The following MBP variants were observed in gnomAD, a reference collection of about 807,000 sequenced individuals.
The protein encoded by MBP is myelin basic protein, also known as Golli-MBP.
MBP carries 16 observed loss-of-function variants against 35.8 expected under a neutral mutation model. The observed-to-expected ratio is 0.45, with a 90% CI of 0.30 to 0.68. The LOEUF is 0.68. MBP is among the 30% of genes least tolerant of loss of function. MBP has a pLI of 0.08. For missense variants in MBP, 380 were observed against 404.7 expected (o/e 0.94, Z 0.52); for synonymous variants, 143 against 159.6 (o/e 0.90, Z 0.78).
chr18:77,109,827 G>A (rs1976392701), intron 1 of MBP: 1 of 152,224 alleles, frequency 6.6e-6, no homozygotes, highest in South Asian at 2.1e-4. Context: ...CATTTGCATT[G>A]TGTAGAGCTG....
chr18:77,088,834 A>C (rs1468188355), intron 2 of MBP, among the ~76,000 whole-genome samples: 1 of 152,182 alleles, frequency 6.6e-6, no homozygotes, highest in Non-Finnish European at 1.5e-5. Context: ...CGCCTTGAAG[A>C]TGTCCTTATT....
intron 4 of MBP, among the ~76,000 whole-genome samples, chr18:76,996,685 G>T (rs1970287718): frequency 6.6e-6 from 1 of 152,066 alleles, no homozygotes; most frequent in East Asian, 1.9e-4. Flanking sequence ...TATATTGGGG[G>T]AGGTCAGAGC....
At chr18:76,985,657 A>G (rs774578283) in intron 7 of MBP, 23 of 1,057,778 alleles carry the variant, frequency 2.2e-5, no homozygotes, top group Admixed American at 9.9e-5. Flanking sequence ...GCAGCGGGAC[A>G]GCGTCTCAGC....
At chr18:77,007,012 C>T (rs1344921986) in intron 4 of MBP, among the ~76,000 whole-genome samples, 1 of 152,154 alleles carries the variant, frequency 6.6e-6, no homozygotes, top group Admixed American at 6.5e-5. Context: ...GTTTCTCAGC[C>T]GCAGGGCAGG....
At chr18:77,129,537 C>T (rs952884278) in intron 1 of MBP, among the ~76,000 whole-genome samples, 1 of 152,182 alleles carries the variant, frequency 6.6e-6, no homozygotes, top group Non-Finnish European at 1.5e-5. Context: ...GAAGCCTGTC[C>T]ACTACAGGTT....
intron 3 of MBP, among the ~76,000 whole-genome samples, chr18:77,060,108 T>A (rs1264360512): frequency 6.6e-6 from 1 of 152,078 alleles, no homozygotes; most frequent in Non-Finnish European, 1.5e-5. Context: ...TGTTAAACCA[T>A]CCCCCAAATG....
intron 3 of MBP, among the ~76,000 whole-genome samples, chr18:77,030,120 CTCAGGCAATGGTTAGGAGGCTGGGAA>C (rs1412298691): frequency 0.013 from 2,008 of 152,192 alleles, 50 homozygotes; most frequent in African/African-American, 0.045. Flanking sequence ...TCCCCAGAGG[CTCAGGCAATGGTTAGGAGGCTGGGAA>C]TCAGGCAATG....
In MBP at chr18:77,029,280, G is replaced by A. The variant is rs1391834803; in HGVS notation, c.140-12012C>T. The stretch of plus-strand genomic sequence containing the variant: ...ACGAAAACCAGTCAGGCGTGGCGGC[G>A]CGCGCCTGCAATCGCAGGCACTCGG... On this transcript the variant is annotated intron_variant, in intron 3 of 8. Coordinates refer to ENST00000355994, the MANE Select transcript of MBP (RefSeq NM_001025101.2). Among the ~76,000 whole-genome samples the A allele has an allele frequency of 8.1e-4, 122 of 149,804 alleles. No homozygotes were observed. In the Middle Eastern group the frequency reaches 0.01, roughly 13 times the overall value.
intron 4 of MBP, among the ~76,000 whole-genome samples, chr18:76,997,839 G>A (rs1438605174): frequency 2.6e-5 from 4 of 152,130 alleles, no homozygotes; most frequent in African/African-American, 7.2e-5. Flanking sequence ...CCGCCACCAC[G>A]CCCGGCTGAT....
intron 3 of MBP, 28 bp from the exon 4 acceptor site, chr18:77,017,296 G>T (rs763743732): frequency 5.4e-6 from 8 of 1,494,824 alleles, no homozygotes; most frequent in Non-Finnish European, 6.2e-6. Flanking sequence ...ATATGAATAC[G>T]GGCCTGTGCA....
intron 1 of MBP, chr18:77,109,442 G>C (rs1055105245): frequency 3.3e-5 from 5 of 152,290 alleles, no homozygotes; most frequent in African/African-American, 1.2e-4. Context: ...GAAGAGGAAG[G>C]ACATTCACGA....
intron 7 of MBP, chr18:76,985,096 G>C: frequency 6.6e-7 from 1 of 1,520,794 alleles, no homozygotes; most frequent in Non-Finnish European, 8.8e-7. Flanking sequence ...CAGGGTGTTG[G>C]CCGCAGAGAG....
Position 77,016,874 on chromosome 18 carries a change from G to C in MBP, c.534C>G (p.Phe178Leu). ...TGGGCGCACCCCTGTCACCGCCAAA[G>C]AAGCGCCCGATGGAGTCAAGGATGC... ...DTGILDSIGR[F>L]FGGDRGAPKR... Residue 178 changes from phenylalanine (F) to leucine (L), a missense_variant, in exon 4 of 9, where the codon TTC becomes TTG. By Grantham distance (22) the Phe-to-Leu change is conservative. Coordinates refer to ENST00000355994, the MANE Select transcript of MBP (RefSeq NM_001025101.2). The C allele has an allele frequency of 6.2e-7, 1 of 1,614,248 alleles. No individual in the cohort carries two copies. Among genetic ancestry groups the C allele is most frequent in the Non-Finnish European group, 8.5e-7 (1 of 1,180,058 alleles).
At chr18:77,019,458 A>G (rs761257329) in intron 3 of MBP, among the ~76,000 whole-genome samples, 43 of 142,408 alleles carry the variant, frequency 3.0e-4, no homozygotes, top group Admixed American at 8.6e-4. Context: ...GCATCTACAA[A>G]CCTCAGAACA....
chr18:77,066,803 C>T (rs1282985463), intron 2 of MBP, among the ~76,000 whole-genome samples: 3 of 152,236 alleles, frequency 2.0e-5, no homozygotes, highest in Non-Finnish European at 4.4e-5. Context: ...CCAGTCAGGA[C>T]CACTTTGATG....
intron 3 of MBP, among the ~76,000 whole-genome samples, chr18:77,057,241 C>T (rs1973762020): frequency 6.6e-6 from 1 of 152,180 alleles, no homozygotes; most frequent in Admixed American, 6.5e-5. Context: ...CTGCGGTCTC[C>T]CTGGCTGGCT....
chr18:77,061,185 C>T (rs1973962679), intron 3 of MBP, among the ~76,000 whole-genome samples: 1 of 152,214 alleles, frequency 6.6e-6, no homozygotes, highest in Admixed American at 6.5e-5. Context: ...GCACCACTGG[C>T]CCTTACTGAA....
At chr18:77,120,135 T>G (rs531747843) in intron 1 of MBP, among the ~76,000 whole-genome samples, 3 of 152,326 alleles carry the variant, frequency 2.0e-5, no homozygotes, top group East Asian at 3.9e-4. Context: ...TGAGGTATGC[T>G]AAAGGGTTCG....
At chr18:77,107,464 C>T (rs1251861101) in intron 1 of MBP, among the ~76,000 whole-genome samples, 1 of 152,182 alleles carries the variant, frequency 6.6e-6, no homozygotes, top group African/African-American at 2.4e-5. Flanking sequence ...AACACAAATG[C>T]AACACTCACT....
Sources: gnomAD v4.1 joint callset for allele counts (sites outside exome capture counted in the v4.1 genomes callset) on GRCh38, gnomAD v4.1.1 for gene constraint, MANE v1.5 for transcripts, NCBI Gene and HGNC (gene_info 2026-07-23, HGNC 2026-07-21) for gene names.